Variants in PHF14 observed in about 807,000 individuals in gnomAD.
PHF14 encodes the protein PHD finger protein 14.
A neutral mutation model predicts 117.9 loss-of-function variants in PHF14; 55 were observed. The ratio of observed to expected loss-of-function variants is 0.47; its 90% CI spans 0.38 to 0.58. The LOEUF (loss-of-function observed/expected upper bound fraction) is 0.58. PHF14 is among the 20% of genes least tolerant of loss of function. The pLI, the probability that PHF14 is intolerant of heterozygous loss-of-function variation, is 0.00. For missense variants in PHF14, 978 were observed against 1,122.2 expected (o/e 0.87, Z 1.84); for synonymous variants, 409 against 368.6 (o/e 1.11, Z -1.26).
intron 14 of PHF14, among the ~76,000 whole-genome samples, chr7:11,054,207 G>A (rs1784941545): frequency 6.6e-6 from 1 of 151,888 alleles, no homozygotes; most frequent in Non-Finnish European, 1.5e-5. Context: ...GACCATCTTG[G>A]GTATTTGTTG....
Position 11,169,516 on chromosome 7 carries a change from A to T in PHF14, c.*26A>T. 1 of 1,143,720 alleles carries T rather than the reference A, an allele frequency of 8.7e-7. No individual in the cohort carries two copies. The highest frequency in any genetic ancestry group is 1.2e-6 in the Non-Finnish European group (1 of 814,188). 70.8% of individuals were successfully genotyped at this position (1,143,720 alleles called of 1,614,324 possible). A position where few individuals can be genotyped will look rare whatever the true frequency, so the allele number is the denominator to read the frequency against. ...AAGATTTTCTGTAGTGTTTTTGAAA[A>T]GTTTGCAGCTTATGTAATAGCAGAT... On this transcript the variant is annotated 3_prime_UTR_variant, in exon 18 of 18. Coordinates refer to ENST00000634607, the MANE Select transcript of PHF14 (RefSeq NM_001007157.2).
At chr7:11,131,959 G>T (rs1239524738) in intron 17 of PHF14, among the ~76,000 whole-genome samples, 1 of 151,506 alleles carries the variant, frequency 6.6e-6, no homozygotes, top group Non-Finnish European at 1.5e-5. Flanking sequence ...TTCTTGTTGG[G>T]TTTTTTTAAA....
At chr7:11,087,540 A>G (rs1786463388) in intron 16 of PHF14, among the ~76,000 whole-genome samples, 1 of 152,090 alleles carries the variant, frequency 6.6e-6, no homozygotes, top group Admixed American at 6.6e-5. Context: ...TTTTAGATAT[A>G]GGTACTATGA....
intron 17 of PHF14, among the ~76,000 whole-genome samples, chr7:11,127,017 G>T (rs932374770): frequency 1.3e-5 from 2 of 152,006 alleles, no homozygotes; most frequent in African/African-American, 2.4e-5. Flanking sequence ...TTCCATCCCA[G>T]TGCCTTTAAA....
intron 3 of PHF14, among the ~76,000 whole-genome samples, 166 bp from the exon 4 acceptor site, chr7:10,990,537 A>G (rs1782413607): frequency 1.3e-5 from 2 of 152,172 alleles, no homozygotes; most frequent in African/African-American, 4.8e-5. Context: ...GGTCAAGTAT[A>G]TATTTCTCAA....
At chr7:11,018,920 C>T (rs1783627182) in intron 5 of PHF14, among the ~76,000 whole-genome samples, 1 of 151,954 alleles carries the variant, frequency 6.6e-6, no homozygotes, top group Admixed American at 6.6e-5. Flanking sequence ...GTCTTTCTAT[C>T]CCGTTTTTGG....
rs971056657 is a variant in PHF14, at chr7:11,101,442, G to T, written c.2655-9908G>T. Among the ~76,000 whole-genome samples the T allele has an allele frequency of 4.3e-4, 66 of 151,896 alleles. 1 individual carries two copies. Among genetic ancestry groups the T allele is most frequent in the African/African-American group, 1.6e-3 (65 of 41,508 alleles). On this transcript the variant is annotated intron_variant, in intron 16 of 17. Coordinates refer to ENST00000634607, the MANE Select transcript of PHF14 (RefSeq NM_001007157.2). ...TATCAGATTCAGAATGTGCTCAAAA[G>T]CTCTTCACTTAGAGACTGAAGCACT...
At chr7:10,983,287 A>G in intron 3 of PHF14, 128 bp downstream of exon 3, 5 of 921,518 alleles carry the variant, frequency 5.4e-6, no homozygotes, top group Non-Finnish European at 7.7e-6. Context: ...ATGAATGAGC[A>G]CCCTAACTGT....
intron 17 of PHF14, among the ~76,000 whole-genome samples, chr7:11,119,388 A>C (rs1787687078): frequency 6.6e-6 from 1 of 151,894 alleles, no homozygotes; most frequent in Non-Finnish European, 1.5e-5. Context: ...TTATATAATC[A>C]ACCAATATAT....
At chr7:11,035,867 CAT>C (rs1211930420) in intron 8 of PHF14, 81 bp downstream of exon 8, 64 of 1,054,370 alleles carry the variant, frequency 6.1e-5, no homozygotes, top group East Asian at 1.5e-4. Context: ...CTTCCAGTGA[CAT>C]GTGACGTATA....
chr7:11,129,129 C>G (rs1256132685), intron 17 of PHF14, among the ~76,000 whole-genome samples: 1 of 152,020 alleles, frequency 6.6e-6, no homozygotes, highest in Non-Finnish European at 1.5e-5. Context: ...TTCTCCACTG[C>G]TAGCCTATTT....
chr7:11,105,634 A>G (rs1787233220), intron 16 of PHF14: 1 of 984,656 alleles, frequency 1.0e-6, no homozygotes, highest in Non-Finnish European at 1.2e-6. Context: ...CTGAATCAGC[A>G]CTTTGTAAGT....
chr7:11,102,844 G>A lies in PHF14; in HGVS notation c.2655-8506G>A, dbSNP rs118014074. 10,364 of 1,200,464 alleles carry A rather than the reference G, an allele frequency of 8.6e-3. 65 individuals carry two copies. Among genetic ancestry groups the A allele is most frequent in the Non-Finnish European group, 9.2e-3 (8,820 of 960,386 alleles). The allele number at this position is 1,200,464 out of a possible 1,614,324, so 74.4% of individuals were successfully genotyped here. On this transcript the variant is annotated intron_variant, in intron 16 of 17. Coordinates refer to ENST00000634607, the MANE Select transcript of PHF14 (RefSeq NM_001007157.2). ...GGATACATGTCTTGTCAGAATTGTC[G>A]TATTAAGTAATGTCTTTCCCTCTTG... is the stretch of plus-strand genomic sequence containing the variant.
Position 11,112,697 on chromosome 7 carries a change from GGA to G in PHF14, c.2772+1232_2772+1233del, listed in dbSNP as rs1238051642. On this transcript the variant is annotated intron_variant, in intron 17 of 17. Transcript: ENST00000634607. ...GAGGCAGGAGAATCACTTGAACCCG[GGA>G]GGCAGAGGTTGCAGTGAACCGAGAT... 3.3e-5 allele frequency among the ~76,000 whole-genome samples: 5 copies of G among 152,068 alleles called. No individual in the cohort carries two copies. The South Asian group carries it at 8.3e-4, about 25-fold the overall frequency.
intron 2 of PHF14, among the ~76,000 whole-genome samples, chr7:10,976,548 C>A (rs1781872285): frequency 1.3e-5 from 2 of 152,008 alleles, no homozygotes; most frequent in Non-Finnish European, 2.9e-5. Flanking sequence ...TAAATCTTGA[C>A]TTTATGGACA....
chr7:11,025,199 T>G (rs1783866112), intron 6 of PHF14, among the ~76,000 whole-genome samples: 1 of 152,168 alleles, frequency 6.6e-6, no homozygotes, highest in Non-Finnish European at 1.5e-5. Context: ...TGCTGCGATC[T>G]CATGATAAAA....
chr7:11,026,948 C>T (rs1230909262), intron 6 of PHF14, among the ~76,000 whole-genome samples: 1 of 152,012 alleles, frequency 6.6e-6, no homozygotes, highest in Non-Finnish European at 1.5e-5. Context: ...GCCTTCTAGA[C>T]CTCATTGTCT....
chr7:11,114,468 T>TTA (rs989858300), intron 17 of PHF14, among the ~76,000 whole-genome samples: 5 of 152,234 alleles, frequency 3.3e-5, no homozygotes, highest in African/African-American at 1.2e-4. Flanking sequence ...GTAAGTCTAA[T>TTA]AAGATTCATC....
intron 16 of PHF14, chr7:11,106,440 G>T (rs1787268857): frequency 1.1e-6 from 1 of 947,382 alleles, no homozygotes; most frequent in African/African-American, 1.8e-5. Flanking sequence ...AACTGCTCAT[G>T]TAGGTAATTT....
Sources: allele counts gnomAD v4.1 joint callset (sites outside exome capture counted in the v4.1 genomes callset), GRCh38; gene constraint gnomAD v4.1.1; transcripts MANE v1.5; gene names NCBI Gene and HGNC (gene_info 2026-07-23, HGNC 2026-07-21).